Variants in MEOX2 observed in about 807,000 individuals in gnomAD.
MEOX2 encodes the protein mesenchyme homeobox 2, also known as homeobox protein MOX-2.
MEOX2 carries 11 observed loss-of-function variants against 27.0 expected under a neutral mutation model. That is an observed-to-expected ratio of 0.41 (90% CI 0.26 to 0.68). The LOEUF (loss-of-function observed/expected upper bound fraction) is 0.68. Among genes scored for constraint, MEOX2 ranks in the 30% least tolerant of loss-of-function variants. The pLI, the probability that MEOX2 is intolerant of heterozygous loss-of-function variation, is 0.33. For missense variants in MEOX2, 436 were observed against 385.4 expected, an observed-to-expected ratio of 1.13 and a Z score of -1.10; for synonymous variants, 189 against 155.4, an observed-to-expected ratio of 1.22 and a Z score of -1.61.
chr7:15,665,188 T>A (rs969428741), intron 1 of MEOX2, among the ~76,000 whole-genome samples: 8 of 152,006 alleles, frequency 5.3e-5, no homozygotes, highest in African/African-American at 1.2e-4. Context: ...TGATTCAATA[T>A]CATCAAATCT....
intron 2 of MEOX2, among the ~76,000 whole-genome samples, chr7:15,621,207 T>G (rs973649303): frequency 6.6e-6 from 1 of 152,238 alleles, no homozygotes; most frequent in Non-Finnish European, 1.5e-5. Context: ...TGAGAATATG[T>G]TGTAAACTAG....
chr7:15,638,609 G>A (rs148217577), intron 1 of MEOX2, among the ~76,000 whole-genome samples: 3 of 151,968 alleles, frequency 2.0e-5, no homozygotes, highest in Non-Finnish European at 2.9e-5. Context: ...AGTGAACATG[G>A]TAGTATTTTT....
chr7:15,636,374 A>G (rs549263066), intron 1 of MEOX2, among the ~76,000 whole-genome samples: 10 of 152,046 alleles, frequency 6.6e-5, no homozygotes, highest in Non-Finnish European at 1.2e-4. Context: ...ATTATAAACA[A>G]TAATAAATAA....
chr7:15,675,523 C>G (rs1782178864), intron 1 of MEOX2, among the ~76,000 whole-genome samples: 1 of 152,196 alleles, frequency 6.6e-6, no homozygotes, highest in Non-Finnish European at 1.5e-5. Context: ...CTTTTAAGGG[C>G]ACTAGGCTGA....
chr7:15,612,810 A>G (rs1781053842), intron 2 of MEOX2, among the ~76,000 whole-genome samples, 199 bp from the exon 3 acceptor site: 1 of 152,240 alleles, frequency 6.6e-6, no homozygotes, highest in Non-Finnish European at 1.5e-5. Context: ...AAGTTTCAAA[A>G]GGTGCATACA....
chr7:15,686,675 A>C lies in MEOX2; in HGVS notation c.-273T>G. 4.2e-6 allele frequency: 2 copies of C among 471,584 alleles called. No individual in the cohort carries two copies. The allele number at this position is 471,584 out of a possible 1,614,324, so 29.2% of individuals were successfully genotyped here. A position where few individuals can be genotyped will look rare whatever the true frequency, so the allele number is the denominator to read the frequency against. ...AGCCAAAAGAAGGTGGTCCCAGAGA[A>C]CTGCTTTCAGGGGGAAATGGCTCTG... On this transcript the variant is annotated 5_prime_UTR_variant, in exon 1 of 3. Coordinates refer to ENST00000262041, the MANE Select transcript of MEOX2 (RefSeq NM_005924.5).
intron 2 of MEOX2, among the ~76,000 whole-genome samples, chr7:15,626,109 T>C (rs1781300680): frequency 1.3e-5 from 2 of 152,102 alleles, no homozygotes; most frequent in African/African-American, 4.8e-5. Flanking sequence ...AGTGTGTAAA[T>C]AGAAGTGACA....
At chr7:15,656,387 G>A (rs6942877) in intron 1 of MEOX2, among the ~76,000 whole-genome samples, 2 of 150,628 alleles carry the variant, frequency 1.3e-5, no homozygotes, top group African/African-American at 2.4e-5. Flanking sequence ...GCTTACATCT[G>A]CCCTTTTACT....
At position 15,612,447 on chromosome 7, in the gene MEOX2, G is replaced by A. The variant is rs1360003634; in HGVS notation, c.855C>T (p.Asp285=). The A allele has an allele frequency of 2.5e-6, 4 of 1,614,042 alleles. No homozygotes were observed. The highest frequency in any genetic ancestry group is 2.2e-5 in the South Asian group (2 of 91,088). ...IGAATLQQTG[D]SIANEDSHDS... is the part of the protein sequence containing the mutation. ...CGTGACTGTCTTCATTTGCTATAGA[G>A]TCCCCTGTTTGCTGGAGGGTGGCTG... Residue 285 remains aspartate, a synonymous_variant, in exon 3 of 3, where the codon GAC becomes GAT. Coordinates refer to ENST00000262041, the MANE Select transcript of MEOX2 (RefSeq NM_005924.5).
chr7:15,628,711 G>T (rs1440477692), intron 1 of MEOX2, among the ~76,000 whole-genome samples: 1 of 152,126 alleles, frequency 6.6e-6, no homozygotes, highest in East Asian at 1.9e-4. Flanking sequence ...TTACCTGGCT[G>T]CAAGGATGGA....
At position 15,614,545 on chromosome 7, in the gene MEOX2, T is replaced by G. The variant is rs532756559; in HGVS notation, c.691-1934A>C. On this transcript the variant is annotated intron_variant, in intron 2 of 2. Transcript: ENST00000262041. ...GGATAACACATTGTCCCAGGTCCATTTATTAAATAACCCAGCTTTTTTCCA... is the reference window on the plus strand; with the variant it reads ...GGATAACACATTGTCCCAGGTCCATGTATTAAATAACCCAGCTTTTTTCCA... Among the ~76,000 whole-genome samples the G allele has an allele frequency of 4.2e-4, 64 of 152,312 alleles. 1 individual carries two copies. In the South Asian group the frequency reaches 6.6e-3, roughly 16 times the overall value.
intron 1 of MEOX2, among the ~76,000 whole-genome samples, chr7:15,671,644 G>T (rs1782099499): frequency 6.6e-6 from 1 of 152,106 alleles, no homozygotes; most frequent in Non-Finnish European, 1.5e-5. Flanking sequence ...ACAGCATTGA[G>T]GAATATGGTT....
rs77769777 is a variant in MEOX2 at position 15,639,871 on chromosome 7, T to C, written c.518-12953A>G. Among the ~76,000 whole-genome samples the C allele has an allele frequency of 6.7e-3, 1,023 of 152,258 alleles. 15 individuals are homozygous for C. Among genetic ancestry groups the C allele is most frequent in the African/African-American group, 0.023 (952 of 41,556 alleles). On this transcript the variant is annotated intron_variant, in intron 1 of 2. Transcript: ENST00000262041. ...TGTTTTGGTTACTAAAGCCTTCTAG[T>C]ACCCTTTGAAGTCAGGTAATGTCAT...
At chr7:15,629,078 T>A (rs1781359762) in intron 1 of MEOX2, among the ~76,000 whole-genome samples, 1 of 152,112 alleles carries the variant, frequency 6.6e-6, no homozygotes, top group Non-Finnish European at 1.5e-5. Flanking sequence ...CTTTTTCTCA[T>A]GAGCAGTTCA....
At chr7:15,626,616 C>T in intron 2 of MEOX2, 130 bp downstream of exon 2, 1 of 537,100 alleles carries the variant, frequency 1.9e-6, no homozygotes, top group Non-Finnish European at 3.1e-6. Flanking sequence ...AAAATTTTAT[C>T]ATGGAATAGT....
At chr7:15,623,071 T>C (rs1348050265) in intron 2 of MEOX2, among the ~76,000 whole-genome samples, 1 of 152,208 alleles carries the variant, frequency 6.6e-6, no homozygotes, top group Non-Finnish European at 1.5e-5. Context: ...ACCCAGTCTA[T>C]GGTATTTCAT....
chr7:15,654,429 G>A (rs1420904816), intron 1 of MEOX2, among the ~76,000 whole-genome samples: 2 of 151,436 alleles, frequency 1.3e-5, no homozygotes, highest in Non-Finnish European at 3.0e-5. Context: ...TATTGAATTG[G>A]CTATACCTTT....
At chr7:15,670,815 A>G (rs1001777859) in intron 1 of MEOX2, among the ~76,000 whole-genome samples, 2 of 152,192 alleles carry the variant, frequency 1.3e-5, no homozygotes, top group African/African-American at 4.8e-5. Context: ...GCAGAAAAAG[A>G]TCATATTTAG....
chr7:15,670,767 A>G (rs945653408), intron 1 of MEOX2, among the ~76,000 whole-genome samples: 3 of 152,208 alleles, frequency 2.0e-5, no homozygotes, highest in African/African-American at 7.2e-5. Context: ...CATCTGTAAT[A>G]TTTGTTGAGC....
Sources: gnomAD v4.1 joint callset for allele counts (sites outside exome capture counted in the v4.1 genomes callset) on GRCh38, gnomAD v4.1.1 for gene constraint, MANE v1.5 for transcripts, NCBI Gene and HGNC (gene_info 2026-07-23, HGNC 2026-07-21) for gene names.